Variants in ZNF362 observed in about 807,000 individuals in gnomAD.
ZNF362 encodes rotund homolog.
In ZNF362, 11 loss-of-function variants were observed where a neutral mutation model predicts 42.9. That is an observed-to-expected ratio of 0.26 (90% CI 0.16 to 0.42). ZNF362 has a LOEUF of 0.42. Ranked by LOEUF, ZNF362 falls within the 20% of genes least tolerant of loss-of-function variation. ZNF362 has a pLI of 1.00. For synonymous variants in ZNF362, 255 were observed against 257.3 expected, an observed-to-expected ratio of 0.99 and a Z score of 0.09; for missense variants, 362 against 576.2, an observed-to-expected ratio of 0.63 and a Z score of 3.81.
At chr1:33,201,799 G>A in the ZNF362 span, among the ~76,000 whole-genome samples, 2 of 152,164 alleles carry the variant, frequency 1.3e-5, no homozygotes, top group Admixed American at 6.5e-5. Flanking sequence ...AAACAAAAAC[G>A]ATACAGAACA....
At chr1:33,147,742 G>A in the ZNF362 span, 18 of 1,602,542 alleles carry the variant, frequency 1.1e-5, no homozygotes, top group South Asian at 1.1e-5. The surrounding 1 kb of genome is among the most constrained non-coding windows in gnomAD (Gnocchi z 8.1). Flanking sequence ...GGGGGTTGGA[G>A]GAGGGAGAGA....
chr1:33,233,373 G>A, the ZNF362 span, among the ~76,000 whole-genome samples: 1 of 151,596 alleles, frequency 6.6e-6, no homozygotes, highest in East Asian at 1.9e-4. Context: ...TGCCTGCAAT[G>A]CCCTGCTTTT....
intron 1 of ZNF362, among the ~76,000 whole-genome samples, chr1:33,258,476 A>G (rs1645808550): frequency 6.6e-6 from 1 of 152,176 alleles, no homozygotes; most frequent in African/African-American, 2.4e-5. Flanking sequence ...GGGCTGTGGA[A>G]CATGGCATGT....
At chr1:33,170,042 G>GTGA in the ZNF362 span, among the ~76,000 whole-genome samples, 1 of 152,164 alleles carries the variant, frequency 6.6e-6, no homozygotes, top group Non-Finnish European at 1.5e-5. Context: ...TCCCCTACTA[G>GTGA]GCCGGGCACA....
chr1:33,291,174 CTTCTAGGGTTTTT>C (rs2148131454), intron 6 of ZNF362, among the ~76,000 whole-genome samples: 1 of 152,232 alleles, frequency 6.6e-6, no homozygotes, highest in Admixed American at 6.5e-5. Flanking sequence ...CCTAGGTTTT[CTTCTAGGGTTTTT>C]ATGGTTTTAG....
chr1:33,274,814 T>C (rs1216309065), intron 2 of ZNF362: 1 of 423,938 alleles, frequency 2.4e-6, no homozygotes, highest in African/African-American at 2.2e-5. Context: ...ACAGGTCTCC[T>C]CCTTCCCCTC....
the ZNF362 span, among the ~76,000 whole-genome samples, chr1:33,134,192 C>T: frequency 1.3e-5 from 2 of 152,358 alleles, no homozygotes; most frequent in East Asian, 3.9e-4. Context: ...GTGGCAGTCC[C>T]TCAATAAATT....
the ZNF362 span, among the ~76,000 whole-genome samples, chr1:33,148,625 A>C: frequency 9.2e-5 from 14 of 152,226 alleles, no homozygotes; most frequent in Non-Finnish European, 2.1e-4. Context: ...TTTTATTATT[A>C]ATAATTTCCT....
At chr1:33,231,773 A>T in the ZNF362 span, among the ~76,000 whole-genome samples, 1 of 152,254 alleles carries the variant, frequency 6.6e-6, no homozygotes, top group Admixed American at 6.5e-5. Context: ...ATTCCTCTGG[A>T]GGCACTGAGC....
At chr1:33,285,074 C>T (rs1646022202) in intron 6 of ZNF362, among the ~76,000 whole-genome samples, 1 of 152,180 alleles carries the variant, frequency 6.6e-6, no homozygotes, top group Non-Finnish European at 1.5e-5. Flanking sequence ...CAATGGAGGA[C>T]AATGGAGTCC....
At chr1:33,238,326 C>A in the ZNF362 span, among the ~76,000 whole-genome samples, 17 of 85,158 alleles carry the variant, frequency 2.0e-4, no homozygotes, top group East Asian at 1.7e-3. Flanking sequence ...CTCAAAATAA[C>A]ATAAAATAAA....
At chr1:33,251,726 T>C (rs1570372455), upstream of ZNF362, among the ~76,000 whole-genome samples, 2 of 152,212 alleles carry the variant, frequency 1.3e-5, no homozygotes, top group South Asian at 4.1e-4. Flanking sequence ...TCACGTACTG[T>C]TCTCTCTGTT....
the ZNF362 span, among the ~76,000 whole-genome samples, chr1:33,229,831 C>T: frequency 6.6e-6 from 1 of 152,154 alleles, no homozygotes; most frequent in Admixed American, 6.5e-5. Context: ...CGCGTCCCTC[C>T]CTCTGCTCTC....
At chr1:33,174,945 G>GTGTATATATATA in the ZNF362 span, among the ~76,000 whole-genome samples, 39 of 141,746 alleles carry the variant, frequency 2.8e-4, no homozygotes, top group African/African-American at 1.0e-3. Context: ...ATATATGTGT[G>GTGTATATATATA]TATATATATA....
At chr1:33,282,761 G>T (rs1026112609) in intron 6 of ZNF362, among the ~76,000 whole-genome samples, 8 of 151,398 alleles carry the variant, frequency 5.3e-5, no homozygotes, top group Non-Finnish European at 1.0e-4. Flanking sequence ...GATGGAGGCT[G>T]CAGTGAGCCG....
the ZNF362 span, among the ~76,000 whole-genome samples, chr1:33,235,941 T>A: frequency 2.0e-5 from 3 of 152,134 alleles, no homozygotes; most frequent in Non-Finnish European, 4.4e-5. Context: ...AACTTAAAGA[T>A]GCTTAAGCTG....
At position 33,276,474 on chromosome 1, in the gene ZNF362, G is replaced by A. The variant is rs749437562; in HGVS notation, c.229G>A (p.Glu77Lys). Reference sequence around the variant, plus strand: ...GTTGCTAGTGCCGCCGGCACCCGCCGAGAGCAGCCAGGCCGTCATGTCGCT... The same window carrying A: ...GTTGCTAGTGCCGCCGGCACCCGCCAAGAGCAGCCAGGCCGTCATGTCGCT... ...QPLLVPPAPA[E>K]SSQAVMSLPK... Residue 77 changes from glutamate to lysine, a missense_variant, in exon 4 of 9, where the codon GAG becomes AAG. This residue lies in a region of ZNF362 where 266 missense variants were observed against 365.4 expected (regional missense o/e 0.73). Transcript: ENST00000539719. The A allele has an allele frequency of 3.1e-6, 5 of 1,590,456 alleles. No individual in the cohort carries two copies. The highest frequency in any genetic ancestry group is 4.3e-6 in the Non-Finnish European group (5 of 1,171,636).
chr1:33,234,338 T>C, the ZNF362 span, among the ~76,000 whole-genome samples: 1 of 152,146 alleles, frequency 6.6e-6, no homozygotes, highest in Non-Finnish European at 1.5e-5. Context: ...CAGCATACAG[T>C]AGGAGCTCAA....
the ZNF362 span, among the ~76,000 whole-genome samples, chr1:33,190,011 C>T: frequency 9.2e-5 from 14 of 151,956 alleles, no homozygotes; most frequent in African/African-American, 1.2e-4. Context: ...CCCCTGGAAT[C>T]AGTGTCAGTC....
Sources: gnomAD v4.1 joint callset for allele counts (sites outside exome capture counted in the v4.1 genomes callset) on GRCh38, gnomAD v4.1.1 for gene constraint, gnomAD v4.1.1 regional missense constraint, Gnocchi (gnomAD v3.1) non-coding constraint, MANE v1.5 for transcripts, NCBI Gene and HGNC (gene_info 2026-07-23, HGNC 2026-07-21) for gene names.